HHAT: variants seen among roughly 807,000 people sequenced by gnomAD.
HHAT encodes the protein hedgehog acyltransferase, also known as protein-cysteine N-palmitoyltransferase HHAT.
In HHAT, 47 loss-of-function variants were observed where a neutral mutation model predicts 70.8. That is an observed-to-expected ratio of 0.66 (90% confidence interval 0.53 to 0.85). HHAT has a LOEUF of 0.85. Ranked by LOEUF, HHAT falls within the 40% of genes least tolerant of loss-of-function variation. The probability of loss-of-function intolerance (pLI) is 0.00; values close to 1 mark genes in which losing one functional copy is unlikely to be tolerated. For missense variants in HHAT, 609 were observed against 604.8 expected (o/e 1.01, Z -0.07); for synonymous variants, 228 against 247.6 (o/e 0.92, Z 0.74).
In HHAT at chr1:210,634,213, C is replaced by T. The variant is rs933649566; in HGVS notation, c.1390+10543C>T. 8.5e-5 allele frequency among the ~76,000 whole-genome samples: 13 copies of T among 152,284 alleles called. No homozygotes were observed. In the South Asian group the frequency reaches 1.7e-3, roughly 19 times the overall value. On this transcript the variant is annotated intron_variant, in intron 11 of 11. Transcript: ENST00000261458. ...AGACAGACAACTGAGCGCTAAGCCA[C>T]GGGATAGAACATTCCGCCCAGAGAG...
chr1:210,478,376 A>G (rs1366671725), intron 8 of HHAT, among the ~76,000 whole-genome samples: 1 of 152,186 alleles, frequency 6.6e-6, no homozygotes, highest in South Asian at 2.1e-4. Context: ...TGGTTGTGAG[A>G]GTCCTATCAG....
At chr1:210,669,371 A>G (rs1044320559) in intron 11 of HHAT, among the ~76,000 whole-genome samples, 3 of 144,248 alleles carry the variant, frequency 2.1e-5, no homozygotes, top group African/African-American at 7.3e-5. Flanking sequence ...TCTGTGTCCT[A>G]CCTGTTTCTC....
At chr1:210,372,886 A>G (rs1286308533) in intron 3 of HHAT, among the ~76,000 whole-genome samples, 1 of 151,190 alleles carries the variant, frequency 6.6e-6, no homozygotes. Flanking sequence ...TACATGCTTC[A>G]TTATTACAAG....
intron 9 of HHAT, among the ~76,000 whole-genome samples, chr1:210,539,402 T>C (rs1439086334): frequency 6.6e-6 from 1 of 152,232 alleles, no homozygotes; most frequent in Non-Finnish European, 1.5e-5. Flanking sequence ...TCTCACAGAA[T>C]AGTCTTGACC....
At chr1:210,663,409 C>T (rs1574089276) in intron 11 of HHAT, among the ~76,000 whole-genome samples, 1 of 152,194 alleles carries the variant, frequency 6.6e-6, no homozygotes, top group Non-Finnish European at 1.5e-5. Context: ...CTGCTGCTGT[C>T]TGAGCTTCAA....
chr1:210,608,395 A>G (rs958484129), intron 10 of HHAT, among the ~76,000 whole-genome samples: 39 of 152,130 alleles, frequency 2.6e-4, no homozygotes, highest in Non-Finnish European at 5.9e-5. Context: ...ACTTGGATTC[A>G]TTTTTTGGCT....
intron 7 of HHAT, among the ~76,000 whole-genome samples, chr1:210,448,453 T>A (rs909642807): frequency 2.6e-5 from 4 of 152,130 alleles, no homozygotes; most frequent in African/African-American, 9.7e-5. Flanking sequence ...AGCGTAATAG[T>A]TTAGGGTAGA....
chr1:210,639,088 C>A (rs146393742), intron 11 of HHAT, among the ~76,000 whole-genome samples: 3 of 152,146 alleles, frequency 2.0e-5, no homozygotes, highest in African/African-American at 7.2e-5. Context: ...CCGATATGGC[C>A]CTATCTGCTC....
intron 8 of HHAT, among the ~76,000 whole-genome samples, chr1:210,471,159 C>T (rs987697962): frequency 4.6e-5 from 7 of 152,128 alleles, no homozygotes; most frequent in African/African-American, 1.2e-4. Context: ...GGCAGCTGAG[C>T]GGCTTCTCTC....
In HHAT at chr1:210,535,211, A is replaced by T. The variant is rs147814707; in HGVS notation, c.1043+22023A>T. ...GGACCTCCATTGCCAGCACTACTTCAACCTGGCCATGTGAACATGCCCATA... is the reference window on the plus strand; with the variant it reads ...GGACCTCCATTGCCAGCACTACTTCTACCTGGCCATGTGAACATGCCCATA... On this transcript the variant is annotated intron_variant, in intron 9 of 11. Transcript: ENST00000261458. Among the ~76,000 whole-genome samples the T allele has an allele frequency of 4.5e-3, 681 of 152,276 alleles. 4 individuals are homozygous for T. Among genetic ancestry groups the T allele is most frequent in the African/African-American group, 0.016 (658 of 41,556 alleles).
intron 9 of HHAT, among the ~76,000 whole-genome samples, chr1:210,579,166 C>A (rs947568263): frequency 1.3e-5 from 2 of 152,104 alleles, no homozygotes; most frequent in East Asian, 3.9e-4. Context: ...GGGAGAGAAT[C>A]AGGAAAAATA....
chr1:210,479,858 T>C (rs909837502), intron 8 of HHAT, among the ~76,000 whole-genome samples: 2 of 152,208 alleles, frequency 1.3e-5, no homozygotes, highest in African/African-American at 4.8e-5. Flanking sequence ...AGTTATGTAA[T>C]GATGTAGTCT....
chr1:210,384,785 A>G (rs1168572620), intron 3 of HHAT, among the ~76,000 whole-genome samples: 2 of 152,210 alleles, frequency 1.3e-5, no homozygotes, highest in Non-Finnish European at 2.9e-5. Context: ...TCAGGCTTTC[A>G]TGTTTGCCTT....
chr1:210,650,583 G>C (rs1005651348), intron 11 of HHAT, among the ~76,000 whole-genome samples: 5 of 152,194 alleles, frequency 3.3e-5, no homozygotes, highest in Non-Finnish European at 5.9e-5. Context: ...AGGGCCTTTT[G>C]TTTGCAGCTT....
At chr1:210,385,445 T>TGGATCAG (rs1451047050) in intron 3 of HHAT, among the ~76,000 whole-genome samples, 3 of 152,188 alleles carry the variant, frequency 2.0e-5, no homozygotes, top group Admixed American at 2.0e-4. Flanking sequence ...AAATAAGCTG[T>TGGATCAG]GGATCAGGGA....
At chr1:210,571,885 C>T (rs927963965) in intron 9 of HHAT, among the ~76,000 whole-genome samples, 1 of 152,252 alleles carries the variant, frequency 6.6e-6, no homozygotes, top group African/African-American at 2.4e-5. Context: ...TAGACTGCCT[C>T]TATCTGTAAA....
intron 7 of HHAT, among the ~76,000 whole-genome samples, chr1:210,450,657 A>T (rs1433799331): frequency 6.7e-6 from 1 of 149,870 alleles, no homozygotes; most frequent in East Asian, 2.0e-4. Context: ...AGCAGAGGGC[A>T]CATTTTATAA....
At chr1:210,373,927 T>A in intron 3 of HHAT, among the ~76,000 whole-genome samples, 1 of 152,364 alleles carries the variant, frequency 6.6e-6, no homozygotes, top group East Asian at 1.9e-4. Flanking sequence ...TAAGCCAGTC[T>A]GTGTCTCCAA....
At chr1:210,623,901 A>G (rs1267682638) in intron 11 of HHAT, among the ~76,000 whole-genome samples, 1 of 152,190 alleles carries the variant, frequency 6.6e-6, no homozygotes, top group Non-Finnish European at 1.5e-5. Flanking sequence ...GTTTAACACC[A>G]AAAGGTATTA....
Sources: gnomAD v4.1 joint callset for allele counts (sites outside exome capture counted in the v4.1 genomes callset) on GRCh38, gnomAD v4.1.1 for gene constraint, MANE v1.5 for transcripts, NCBI Gene and HGNC (gene_info 2026-07-23, HGNC 2026-07-21) for gene names.